Variants in CFTR observed in about 807,000 individuals in gnomAD.
CFTR encodes CF transmembrane conductance regulator, also known as cystic fibrosis transmembrane conductance regulator.
In CFTR, 181 loss-of-function variants were observed where a neutral mutation model predicts 171.6. The ratio of observed to expected loss-of-function variants is 1.05; its 90% CI spans 0.93 to 1.19. The LOEUF is 1.19. CFTR is among the 50% of genes most tolerant of loss of function. The pLI is 0.00. For missense variants in CFTR, 1,968 were observed against 1,734.7 expected (o/e 1.13, Z -2.39); for synonymous variants, 583 against 608.0 (o/e 0.96, Z 0.60).
chr7:117,620,922 C>T (rs960916466), intron 21 of CFTR, among the ~76,000 whole-genome samples: 2 of 152,074 alleles, frequency 1.3e-5, no homozygotes, highest in Non-Finnish European at 2.9e-5. Flanking sequence ...AGCTGGTCAA[C>T]ATGGCAAAAC....
At chr7:117,573,533 G>A (rs933054012) in intron 11 of CFTR, among the ~76,000 whole-genome samples, 3 of 152,118 alleles carry the variant, frequency 2.0e-5, no homozygotes, top group Non-Finnish European at 4.4e-5. Flanking sequence ...AATGCAGATA[G>A]ATTACCCTGT....
chr7:117,510,027 T>C (rs967330750), intron 3 of CFTR, among the ~76,000 whole-genome samples: 1 of 152,128 alleles, frequency 6.6e-6, no homozygotes, highest in African/African-American at 2.4e-5. Flanking sequence ...TACACCCCCA[T>C]GAAAAATACA....
intron 23 of CFTR, among the ~76,000 whole-genome samples, chr7:117,645,577 C>T (rs1452091231): frequency 6.6e-6 from 1 of 152,144 alleles, no homozygotes; most frequent in Admixed American, 6.5e-5. Flanking sequence ...TTTTCTACTT[C>T]TACTGCAGTG....
At chr7:117,635,507 CT>C (rs1792813122) in intron 22 of CFTR, among the ~76,000 whole-genome samples, 1 of 151,958 alleles carries the variant, frequency 6.6e-6, no homozygotes, top group South Asian at 2.1e-4. Context: ...TGTTACACTA[CT>C]TGTTCTTTGT....
rs739378 is a variant in CFTR, at chr7:117,552,706, A to G, written c.1392+3883A>G. Among the ~76,000 whole-genome samples, 223 of 151,910 alleles carry G rather than the reference A, an allele frequency of 1.5e-3. 2 individuals carry two copies. The highest frequency in any genetic ancestry group is 4.2e-3 in the African/African-American group (176 of 41,416). ...TATCTTCCCAGAGATGTTTCTCTCT[A>G]TATATATAATCAATATACATTTTTT... is the stretch of plus-strand genomic sequence containing the variant. On this transcript the variant is annotated intron_variant, in intron 10 of 26. Coordinates refer to ENST00000003084, the MANE Select transcript of CFTR (RefSeq NM_000492.4).
At chr7:117,563,438 A>G (rs1402797683) in intron 11 of CFTR, among the ~76,000 whole-genome samples, 1 of 152,144 alleles carries the variant, frequency 6.6e-6, no homozygotes, top group Non-Finnish European at 1.5e-5. Flanking sequence ...TGTCATTTTT[A>G]TGTACTGTTT....
intron 1 of CFTR, among the ~76,000 whole-genome samples, chr7:117,500,531 C>A (rs1001992653): frequency 1.3e-5 from 2 of 151,840 alleles, no homozygotes; most frequent in African/African-American, 4.8e-5. Context: ...CTCAGGTGAT[C>A]CACCCACCTC....
At position 117,559,491 on chromosome 7, in the gene CFTR, G is replaced by A. The variant is rs756206533; in HGVS notation, c.1420G>A (p.Glu474Lys). The A allele has an allele frequency of 6.2e-7, 1 of 1,609,530 alleles. No homozygotes were observed. The highest frequency in any genetic ancestry group is 8.5e-7 in the Non-Finnish European group (1 of 1,176,136). The change falls in exon 11 of 27, where the codon GAA becomes AAA. Residue 474 changes from glutamate to lysine, a missense_variant. By Grantham distance (56) the Glu-to-Lys change is moderately conservative. Transcript: ENST00000003084. ...TTCACTTCTAATGGTGATTATGGGA[G>A]AACTGGAGCCTTCAGAGGGTAAAAT... is the stretch of plus-strand genomic sequence containing the variant. ...KTSLLMVIMGELEPSEGKIKH... is the reference protein window; with the variant it reads ...KTSLLMVIMGKLEPSEGKIKH...
At chr7:117,607,978 T>G (rs986538482) in intron 18 of CFTR, among the ~76,000 whole-genome samples, 16 of 152,316 alleles carry the variant, frequency 1.1e-4, no homozygotes, top group South Asian at 6.2e-4. Context: ...TGTAAATAAC[T>G]GGTCCCAAAT....
intron 1 of CFTR, among the ~76,000 whole-genome samples, chr7:117,499,847 T>G (rs1288375171): frequency 6.6e-6 from 1 of 152,082 alleles, no homozygotes; most frequent in African/African-American, 2.4e-5. Context: ...GCCAGAGCTT[T>G]GAACAAAATT....
In CFTR at chr7:117,664,635, C is replaced by T. The variant is rs145575752; in HGVS notation, c.3964-53C>T. On this transcript the variant is annotated intron_variant, in intron 24 of 26. Transcript: ENST00000003084. ...CCTGTGTTTATTTTTAGAATGTCAA[C>T]TGCTTGAGTGTTTTTAACTCTGTGG... 4.0e-5 allele frequency: 61 copies of T among 1,516,850 alleles called. No individual in the cohort carries two copies. In the African/African-American group the frequency reaches 7.9e-4, roughly 20 times the overall value. The allele number at this position is 1,516,850 out of a possible 1,614,324, so 94.0% of individuals were successfully genotyped here. A position where few individuals can be genotyped will look rare whatever the true frequency, so the allele number is the denominator to read the frequency against.
rs1793357889 is a variant in CFTR at position 117,665,457 on chromosome 7, A to G, written c.4137-2A>G. ...ATGTGTGGTATTTTCTTTCTTTTCTAGAACATACCAAATAATTAGAAGAAC... is the reference window on the plus strand; with the variant it reads ...ATGTGTGGTATTTTCTTTCTTTTCTGGAACATACCAAATAATTAGAAGAAC... On this transcript the variant is annotated splice_acceptor_variant, in intron 25 of 26. Coordinates refer to ENST00000003084, the MANE Select transcript of CFTR (RefSeq NM_000492.4). LOFTEE classifies it high-confidence loss of function. 1 of 1,568,400 alleles carries G rather than the reference A, an allele frequency of 6.4e-7. No individual in the cohort carries two copies. The highest frequency in any genetic ancestry group is 8.8e-7 in the Non-Finnish European group (1 of 1,138,668).
chr7:117,569,538 A>G (rs977252005), intron 11 of CFTR, among the ~76,000 whole-genome samples: 2 of 152,212 alleles, frequency 1.3e-5, no homozygotes, highest in East Asian at 1.9e-4. Flanking sequence ...AATGCGCTCA[A>G]TCTGATATAT....
At chr7:117,550,145 G>A (rs1221109454) in intron 10 of CFTR, among the ~76,000 whole-genome samples, 3 of 151,998 alleles carry the variant, frequency 2.0e-5, no homozygotes, top group Non-Finnish European at 4.4e-5. Context: ...AGACCAGCGT[G>A]GGCAACATGG....
At chr7:117,563,486 C>T (rs1000863002) in intron 11 of CFTR, among the ~76,000 whole-genome samples, 2 of 151,914 alleles carry the variant, frequency 1.3e-5, no homozygotes, top group African/African-American at 4.8e-5. Context: ...AATGATCCTT[C>T]AGGAAAGAGT....
At chr7:117,560,431 T>C (rs1359976248) in intron 11 of CFTR, among the ~76,000 whole-genome samples, 1 of 152,138 alleles carries the variant, frequency 6.6e-6, no homozygotes, top group East Asian at 1.9e-4. Context: ...GTGTTTGTGA[T>C]TCAAAAGCAA....
intron 16 of CFTR, 112 bp from the exon 17 acceptor site, chr7:117,603,420 C>T: frequency 8.2e-7 from 1 of 1,220,626 alleles, no homozygotes; most frequent in South Asian, 1.3e-5. Flanking sequence ...GCATGCTCTT[C>T]TAATGCAAAA....
Position 117,587,773 on chromosome 7 carries a change from T to G in CFTR, c.1619T>G (p.Val540Gly). Residue 540 changes from valine (V) to glycine (G), a missense_variant, in exon 12 of 27, where the codon GTT (valine) becomes GGT (glycine). By Grantham distance (109) the Val-to-Gly change is moderately radical. Coordinates refer to ENST00000003084, the MANE Select transcript of CFTR (RefSeq NM_000492.4). ...AAGTTTGCAGAGAAAGACAATATAG[T>G]TCTTGGAGAAGGTGGAATCACACTG... ...ISKFAEKDNIVLGEGGITLSG... is the reference protein window; with the variant it reads ...ISKFAEKDNIGLGEGGITLSG... 6.2e-7 allele frequency: 1 copy of G among 1,611,974 alleles called. No homozygotes were observed. Among genetic ancestry groups the G allele is most frequent in the Non-Finnish European group, 8.5e-7 (1 of 1,178,236 alleles).
At chr7:117,565,652 T>C (rs552950808) in intron 11 of CFTR, among the ~76,000 whole-genome samples, 5 of 152,286 alleles carry the variant, frequency 3.3e-5, no homozygotes, top group African/African-American at 1.2e-4. Flanking sequence ...ATTAACTAAG[T>C]GTCTGTCATG....
Sources: allele counts gnomAD v4.1 joint callset (sites outside exome capture counted in the v4.1 genomes callset), GRCh38; gene constraint gnomAD v4.1.1; transcripts MANE v1.5; gene names NCBI Gene and HGNC (gene_info 2026-07-23, HGNC 2026-07-21).